Variants in KIAA1217 observed in about 807,000 individuals in gnomAD.
KIAA1217 encodes KIAA1217, also known as sickle tail protein homolog.
Under a neutral mutation model 163.9 loss-of-function variants are expected in KIAA1217, and 88 were observed. The observed-to-expected ratio is 0.54, with a 90% confidence interval of 0.45 to 0.64. The LOEUF (loss-of-function observed/expected upper bound fraction) is 0.64. Ranked by LOEUF, KIAA1217 falls within the 30% of genes least tolerant of loss-of-function variation. KIAA1217 has a pLI of 0.00. For missense variants in KIAA1217, 2,372 were observed against 2,475.0 expected (o/e 0.96, Z 0.88); for synonymous variants, 903 against 923.1 (o/e 0.98, Z 0.39).
chr10:23,768,024 C>G (rs1242051909), intron 1 of KIAA1217, among the ~76,000 whole-genome samples: 1 of 152,190 alleles, frequency 6.6e-6, no homozygotes, highest in Non-Finnish European at 1.5e-5. Context: ...CCAAGCATAT[C>G]TGGAAGAGCA....
intron 2 of KIAA1217, among the ~76,000 whole-genome samples, chr10:24,053,331 A>G (rs1404891158): frequency 1.3e-5 from 2 of 152,150 alleles, no homozygotes; most frequent in South Asian, 2.1e-4. Context: ...CACAAGTTAG[A>G]CTTTAACAGA....
chr10:24,013,725 A>G (rs1847349693), intron 2 of KIAA1217, among the ~76,000 whole-genome samples: 1 of 152,146 alleles, frequency 6.6e-6, no homozygotes, highest in Admixed American at 6.6e-5. Context: ...TGAGAATCCA[A>G]ATAAAATCTT....
intron 8 of KIAA1217, among the ~76,000 whole-genome samples, chr10:24,496,304 C>G (rs183286274): frequency 6.6e-6 from 1 of 152,360 alleles, no homozygotes; most frequent in East Asian, 1.9e-4. Flanking sequence ...GTGGCCTTGG[C>G]CGAAGCCAGA....
chr10:24,162,435 T>C (rs2065162503), intron 2 of KIAA1217, among the ~76,000 whole-genome samples: 1 of 152,202 alleles, frequency 6.6e-6, no homozygotes, highest in Non-Finnish European at 1.5e-5. Flanking sequence ...GGCAGAAACA[T>C]TCTCCAACCT....
intron 2 of KIAA1217, among the ~76,000 whole-genome samples, chr10:24,248,615 G>A (rs1425575979): frequency 7.5e-6 from 1 of 133,118 alleles, no homozygotes; most frequent in Non-Finnish European, 1.5e-5. Context: ...AGGTTGCAGT[G>A]AGCCGAGATC....
At chr10:24,297,206 A>C (rs956309577) in intron 2 of KIAA1217, among the ~76,000 whole-genome samples, 2 of 152,188 alleles carry the variant, frequency 1.3e-5, no homozygotes, top group Non-Finnish European at 2.9e-5. Context: ...TGTTTGTCAC[A>C]ATAATTGGAG....
intron 3 of KIAA1217, among the ~76,000 whole-genome samples, chr10:24,429,991 A>T (rs1297729361): frequency 6.6e-6 from 1 of 152,088 alleles, no homozygotes; most frequent in Non-Finnish European, 1.5e-5. Flanking sequence ...AAAAATATAC[A>T]AAAAATTAGC....
At chr10:23,822,735 G>C (rs1484172636) in intron 1 of KIAA1217, among the ~76,000 whole-genome samples, 1 of 152,152 alleles carries the variant, frequency 6.6e-6, no homozygotes, top group Non-Finnish European at 1.5e-5. Flanking sequence ...TCTCCCACAA[G>C]GATGGAGAGG....
At chr10:24,337,041 A>G (rs2046433654) in intron 2 of KIAA1217, among the ~76,000 whole-genome samples, 1 of 152,228 alleles carries the variant, frequency 6.6e-6, no homozygotes, top group African/African-American at 2.4e-5. Flanking sequence ...ACAGGCGACA[A>G]AAGAAAAAAT....
chr10:24,319,506 C>T (rs984174926), intron 2 of KIAA1217, among the ~76,000 whole-genome samples: 3 of 151,448 alleles, frequency 2.0e-5, no homozygotes, highest in Admixed American at 6.6e-5. Flanking sequence ...ATGATTACAC[C>T]TAAGAGATGA....
chr10:24,191,552 A>ATAT lies in KIAA1217; in HGVS notation c.-170-28074_-170-28073insTAT, dbSNP rs2066719259. On this transcript the variant is annotated intron_variant, in intron 2 of 18. Coordinates refer to the KIAA1217 transcript ENST00000376462. ...TATCAACACATCTCATGTACCCACAAATATATATATATATATATACCTATT... is the reference window on the plus strand; with the variant it reads ...TATCAACACATCTCATGTACCCACAATATATATATATATATATATATACCTATT... Among the ~76,000 whole-genome samples, 4 of 148,264 alleles carry ATAT rather than the reference A, an allele frequency of 2.7e-5. No homozygotes were observed. The South Asian group carries it at 8.6e-4, about 32-fold the overall frequency.
At chr10:24,221,188 G>A (rs1354358633) in intron 2 of KIAA1217, among the ~76,000 whole-genome samples, 3 of 152,132 alleles carry the variant, frequency 2.0e-5, no homozygotes, top group Non-Finnish European at 1.5e-5. Context: ...CTGTGGCTAG[G>A]GATGTTTTTG....
At position 23,695,229 on chromosome 10, in the gene KIAA1217, C is replaced by T. The variant is rs1376102990; in HGVS notation, c.-326C>T. ...AGAGGCGAGGGGGCGGCAGCCTCGG[C>T]CCGAAGTAAGTGCAGCAGAAGTTTG... On this transcript the variant is annotated 5_prime_UTR_variant, in exon 1 of 19. Transcript: ENST00000376462. This position sits in a 1 kb window ranked among gnomAD's most constrained non-coding sequence, Gnocchi z 4.9. 2.6e-5 allele frequency: 4 copies of T among 152,622 alleles called. No homozygotes were observed. The highest frequency in any genetic ancestry group is 4.4e-5 in the Non-Finnish European group (3 of 68,404). The allele number at this position is 152,622 out of a possible 1,614,324, so 9.5% of individuals were successfully genotyped here. A position where few individuals can be genotyped will look rare whatever the true frequency, so the allele number is the denominator to read the frequency against.
chr10:24,183,968 A>G (rs1246129997), intron 2 of KIAA1217, among the ~76,000 whole-genome samples: 1 of 152,198 alleles, frequency 6.6e-6, no homozygotes, highest in Non-Finnish European at 1.5e-5. Context: ...ATTCTTCACC[A>G]TCTTTACAAA....
At chr10:23,728,604 G>A (rs1303224158) in intron 1 of KIAA1217, among the ~76,000 whole-genome samples, 1 of 151,926 alleles carries the variant, frequency 6.6e-6, no homozygotes, top group Non-Finnish European at 1.5e-5. Flanking sequence ...CTCCCATTCT[G>A]TAGGTTTCCT....
chr10:24,254,201 A>T (rs2074881677), intron 2 of KIAA1217, among the ~76,000 whole-genome samples: 1 of 152,210 alleles, frequency 6.6e-6, no homozygotes, highest in Admixed American at 6.5e-5. Flanking sequence ...AGATTGGCTG[A>T]ACAAAGACAG....
intron 1 of KIAA1217, among the ~76,000 whole-genome samples, chr10:23,779,805 G>A (rs1268108351): frequency 6.6e-6 from 1 of 152,052 alleles, no homozygotes; most frequent in Non-Finnish European, 1.5e-5. Context: ...CAATGAACTG[G>A]GTATATGACA....
At chr10:24,003,868 G>A (rs187872113) in intron 1 of KIAA1217, among the ~76,000 whole-genome samples, 128 of 152,308 alleles carry the variant, frequency 8.4e-4, no homozygotes, top group South Asian at 1.7e-3. Context: ...ATAATTTGGA[G>A]TTTAACTGAT....
chr10:24,118,295 C>T (rs967779460), intron 2 of KIAA1217, among the ~76,000 whole-genome samples: 1 of 152,034 alleles, frequency 6.6e-6, no homozygotes, highest in Non-Finnish European at 1.5e-5. Flanking sequence ...TGTTGTTGAG[C>T]CGCCTCCGCC....
Sources: gnomAD v4.1 joint callset for allele counts (sites outside exome capture counted in the v4.1 genomes callset) on GRCh38, gnomAD v4.1.1 for gene constraint, Gnocchi (gnomAD v3.1) non-coding constraint, MANE v1.5 for transcripts, NCBI Gene and HGNC (gene_info 2026-07-23, HGNC 2026-07-21) for gene names.